Variants in EPPK1 observed in about 807,000 individuals in gnomAD.
EPPK1 encodes epiplakin 1.
For missense variants in EPPK1, 3,823 were observed against 3,673.3 expected (o/e 1.04, Z -1.05); for synonymous variants, 1,862 against 1,721.2 (o/e 1.08, Z -2.03).
chr8:143,873,061 G>A lies in EPPK1; in HGVS notation c.193C>T (p.Leu65Phe), dbSNP rs1162166117. 1.9e-6 allele frequency: 3 copies of A among 1,559,124 alleles called. No homozygotes were observed. The highest frequency in any genetic ancestry group is 1.4e-5 in the African/African-American group (1 of 73,580). The change falls in exon 2 of 2, where the codon CTC (leucine) becomes TTC (phenylalanine). Residue 65 changes from leucine to phenylalanine, a missense_variant. Coordinates refer to ENST00000615648, the MANE Select transcript of EPPK1 (RefSeq NM_031308.4). ...GCCTGCCCGAGCCCAGCAGGCAGGA[G>A]GCCCTGCTCCATGGCGGCGTAGACA... ...QSVYAAMEQG[L>F]LPAGLGQALL...
In EPPK1 at chr8:143,870,471, C is replaced by A. The variant is rs782078455; in HGVS notation, c.2783G>T (p.Gly928Val). The change falls in exon 2 of 2, where the codon GGC becomes GTC. Residue 928 changes from glycine to valine, a missense_variant. Transcript: ENST00000615648. This position sits in a 1 kb window ranked among gnomAD's most constrained non-coding sequence, Gnocchi z 5.2. ...LMDGVRRYLC[G>V]LGAVGGVRLL... Reference sequence around the variant, plus strand: ...CCGCACACCGCCCACAGCTCCCAGGCCGCACAGGTACCTGCGGACGCCGTC... The same window carrying A: ...CCGCACACCGCCCACAGCTCCCAGGACGCACAGGTACCTGCGGACGCCGTC... 9 of 1,603,584 alleles carry A rather than the reference C, an allele frequency of 5.6e-6. No individual in the cohort carries two copies. The highest frequency in any genetic ancestry group is 7.6e-6 in the Non-Finnish European group (9 of 1,177,224).
In EPPK1 at chr8:143,867,093, A is replaced by G. The variant is rs782457896; in HGVS notation, c.6161T>C (p.Phe2054Ser). The G allele has an allele frequency of 3.1e-6, 5 of 1,612,688 alleles. No individual in the cohort carries two copies. Among genetic ancestry groups the G allele is most frequent in the Non-Finnish European group, 4.2e-6 (5 of 1,179,818 alleles). ...ISDQKHMRKR[F>S]VDPNTQEKVS... ...CTTCTCTTGCGTGTTCGGGTCCACA[A>G]ACCGTTTCCTCATGTGCTTCTGGTC... The change falls in exon 2 of 2, where the codon TTT (phenylalanine) becomes TCT (serine). Residue 2054 changes from phenylalanine to serine, a missense_variant. Phe to Ser is a radical substitution (Grantham distance 155). Coordinates refer to ENST00000615648, the MANE Select transcript of EPPK1 (RefSeq NM_031308.4).
chr8:143,857,862 A>G lies in EPPK1; in HGVS notation c.*125T>C. 1 of 721,092 alleles carries G rather than the reference A, an allele frequency of 1.4e-6. No individual in the cohort carries two copies. The highest frequency in any genetic ancestry group is 2.1e-6 in the Non-Finnish European group (1 of 471,566). 44.7% of individuals were successfully genotyped at this position (721,092 alleles called of 1,614,324 possible). A position where few individuals can be genotyped will look rare whatever the true frequency, so the allele number is the denominator to read the frequency against. On this transcript the variant is annotated 3_prime_UTR_variant, in exon 2 of 2. Transcript: ENST00000615648. ...ACAACTTAAAACGTTTTCCACAGATAACGAATGGGTAAAACAACAAAATTA... is the reference window on the plus strand; with the variant it reads ...ACAACTTAAAACGTTTTCCACAGATGACGAATGGGTAAAACAACAAAATTA...
intron 1 of EPPK1, 50 bp downstream of exon 1, chr8:143,878,388 G>C (rs1437577917): frequency 1.5e-4 from 8 of 51,806 alleles, no homozygotes; most frequent in African/African-American, 2.5e-4. Flanking sequence ...CGCACCCGCC[G>C]CACCTGCCCG....
chr8:143,877,735 G>A (rs980511087), intron 1 of EPPK1, among the ~76,000 whole-genome samples: 12 of 152,114 alleles, frequency 7.9e-5, no homozygotes, highest in South Asian at 4.1e-4. Context: ...CTTGTGGGAA[G>A]ACCCCACCCA....
Position 143,872,957 on chromosome 8 carries a change from C to T in EPPK1, c.297G>A (p.Leu99=), listed in dbSNP as rs782600625. ...RGQLLPVSKA[L]QQGLVGLELK... ...GCTCCAGCCCCACCAGACCCTGCTG[C>T]AGGGCCTTGGACACAGGGAGCAGCT... is the stretch of plus-strand genomic sequence containing the variant. Residue 99 remains leucine, a synonymous_variant, in exon 2 of 2, where the codon CTG becomes CTA. Coordinates refer to ENST00000615648, the MANE Select transcript of EPPK1 (RefSeq NM_031308.4). 2.5e-6 allele frequency: 4 copies of T among 1,607,774 alleles called. No individual in the cohort carries two copies. The highest frequency in any genetic ancestry group is 2.7e-5 in the African/African-American group (2 of 74,652).
Position 143,857,976 on chromosome 8 carries a change from A to C in EPPK1, c.*11T>G. The C allele has an allele frequency of 1.3e-6, 2 of 1,556,776 alleles. No individual in the cohort carries two copies. The highest frequency in any genetic ancestry group is 1.7e-6 in the Non-Finnish European group (2 of 1,145,530). On this transcript the variant is annotated 3_prime_UTR_variant, in exon 2 of 2. Transcript: ENST00000615648. ...TCCAGAGTTGCAGAAAACTGCACGGAGGAAGCCCAGTCACTGTAGAGAGAG... is the reference window on the plus strand; with the variant it reads ...TCCAGAGTTGCAGAAAACTGCACGGCGGAAGCCCAGTCACTGTAGAGAGAG...
chr8:143,869,287 C>G lies in EPPK1; in HGVS notation c.3967G>C (p.Ala1323Pro), dbSNP rs1563883520. 2 of 1,604,992 alleles carry G rather than the reference C, an allele frequency of 1.2e-6. No individual in the cohort carries two copies. The highest frequency in any genetic ancestry group is 8.5e-7 in the Non-Finnish European group (1 of 1,175,694). Reference protein sequence around the residue: ...LSEQLGQAERAAAGYPDPYSR... With the variant: ...LSEQLGQAERPAAGYPDPYSR... ...TAGGGATCTGGGTACCCGGCCGCCG[C>G]CCTCTCGGCCTGCCCGAGCTGCTCA... The change falls in exon 2 of 2, where the codon GCG becomes CCG. Residue 1323 changes from alanine (A) to proline (P), a missense_variant. Ala to Pro is a conservative substitution (Grantham distance 27, BLOSUM62 -1). Transcript: ENST00000615648.
chr8:143,867,987 A>C lies in EPPK1; in HGVS notation c.5267T>G (p.Leu1756Arg). 1 of 1,613,472 alleles carries C rather than the reference A, an allele frequency of 6.2e-7. No homozygotes were observed. Among genetic ancestry groups the C allele is most frequent in the Non-Finnish European group, 8.5e-7 (1 of 1,179,936 alleles). The part of the protein sequence containing the change: ...CVEDPETGLY[L>R]LQIIKKGENY... ...TTCTCCTTTCTTTATGATTTGTAGCAGGTACAGGCCCGTCTCGGGGTCCTC... is the reference window on the plus strand; with the variant it reads ...TTCTCCTTTCTTTATGATTTGTAGCCGGTACAGGCCCGTCTCGGGGTCCTC... The change falls in exon 2 of 2, where the codon CTG becomes CGG. Residue 1756 changes from leucine (L) to arginine (R), a missense_variant. Physicochemically the swap from Leu to Arg is moderately radical, Grantham distance 102 (BLOSUM62 -2). Coordinates refer to ENST00000615648, the MANE Select transcript of EPPK1 (RefSeq NM_031308.4).
In EPPK1 at chr8:143,857,913, A is replaced by AC. The variant is rs1554657827; in HGVS notation, c.*73_*74insG. ...AAGAATGACAAAAAAAAAAAAAAAA[A>AC]AAAAAACAACCCAGACACACAAGTA... is the stretch of plus-strand genomic sequence containing the variant. On this transcript the variant is annotated 3_prime_UTR_variant, in exon 2 of 2. Transcript: ENST00000615648. The AC allele has an allele frequency of 6.0e-6, 5 of 836,832 alleles. No homozygotes were observed. Among genetic ancestry groups the AC allele is most frequent in the South Asian group, 5.6e-5 (2 of 35,774 alleles). 51.8% of individuals were successfully genotyped at this position (836,832 alleles called of 1,614,324 possible).
intron 1 of EPPK1, among the ~76,000 whole-genome samples, chr8:143,877,773 C>T (rs1554662491): frequency 1.3e-5 from 2 of 152,086 alleles, no homozygotes; most frequent in Non-Finnish European, 2.9e-5. Flanking sequence ...GATCAGAGAT[C>T]AGTGGCCCCA....
Position 143,868,726 on chromosome 8 carries a change from C to G in EPPK1, c.4528G>C (p.Glu1510Gln). 6.3e-7 allele frequency: 1 copy of G among 1,579,176 alleles called. No individual in the cohort carries two copies. The highest frequency in any genetic ancestry group is 8.6e-7 in the Non-Finnish European group (1 of 1,166,642). Residue 1510 changes from glutamate (E) to glutamine (Q), a missense_variant, in exon 2 of 2, where the codon GAG becomes CAG. By Grantham distance (29) the Glu-to-Gln change is conservative. Coordinates refer to ENST00000615648, the MANE Select transcript of EPPK1 (RefSeq NM_031308.4). ...QVVSAVTTLV[E>Q]AAERQPLQAT... Reference sequence around the variant, plus strand: ...TGCAGGGGCTGCCTCTCTGCAGCCTCGACCAGGGTGGTGACTGCGCTGACC... The same window carrying G: ...TGCAGGGGCTGCCTCTCTGCAGCCTGGACCAGGGTGGTGACTGCGCTGACC...
rs782685248 is a variant in EPPK1 at position 143,870,493 on chromosome 8, C to G, written c.2761G>C (p.Gly921Arg). Residue 921 changes from glycine (G) to arginine (R), a missense_variant, in exon 2 of 2, where the codon GGC becomes CGC. By Grantham distance (125) the Gly-to-Arg change is moderately radical. Coordinates refer to ENST00000615648, the MANE Select transcript of EPPK1 (RefSeq NM_031308.4). The surrounding 1 kb of genome is among the most constrained non-coding windows in gnomAD (Gnocchi z 5.2). The part of the protein sequence containing the change: ...ISPEALLLMD[G>R]VRRYLCGLGA... ...AGGCCGCACAGGTACCTGCGGACGCCGTCCATGAGTAGGAGGGCCTCCGGG... is the reference window on the plus strand; with the variant it reads ...AGGCCGCACAGGTACCTGCGGACGCGGTCCATGAGTAGGAGGGCCTCCGGG... 10 of 1,605,954 alleles carry G rather than the reference C, an allele frequency of 6.2e-6. No homozygotes were observed. The highest frequency in any genetic ancestry group is 8.5e-6 in the Non-Finnish European group (10 of 1,176,662).
rs1819101670 is a variant in EPPK1, at chr8:143,866,275, T to G, written c.6979A>C (p.Lys2327Gln). 2.0e-6 allele frequency: 1 copy of G among 496,870 alleles called. No homozygotes were observed. The highest frequency in any genetic ancestry group is 4.6e-5 in the Admixed American group (1 of 21,976). The allele number at this position is 496,870 out of a possible 1,614,324, so 30.8% of individuals were successfully genotyped here. The change falls in exon 2 of 2, where the codon AAG becomes CAG. Residue 2327 changes from lysine to glutamine, a missense_variant. Coordinates refer to ENST00000615648, the MANE Select transcript of EPPK1 (RefSeq NM_031308.4). ...QQISLFQAMQ[K>Q]DLIVREHGIR... ...CCGTGCTCCCGGACGATGAGGTCCT[T>G]CTGCATGGCCTGGAAGAGGGAGATC... is the stretch of plus-strand genomic sequence containing the variant.
At position 143,867,147 on chromosome 8, in the gene EPPK1, A is replaced by C; in HGVS notation, c.6107T>G (p.Leu2036Arg). 6.2e-7 allele frequency: 1 copy of C among 1,612,814 alleles called. No homozygotes were observed. Among genetic ancestry groups the C allele is most frequent in the Non-Finnish European group, 8.5e-7 (1 of 1,179,724 alleles). The change falls in exon 2 of 2, where the codon CTG (leucine) becomes CGG (arginine). Residue 2036 changes from leucine (L) to arginine (R), a missense_variant. Transcript: ENST00000615648. ...PLETAYRRGC[L>R]HKDIYALISD... ...AATGAGCGCATAGATGTCCTTGTGC[A>C]GACAGCCCCGTCTGTAGGCTGTTTC...
chr8:143,870,097 T>TG lies in EPPK1; in HGVS notation c.3156dup (p.Thr1053HisfsTer18). 6.2e-7 allele frequency: 1 copy of TG among 1,608,702 alleles called. No homozygotes were observed. Among genetic ancestry groups the TG allele is most frequent in the Non-Finnish European group, 8.5e-7 (1 of 1,178,428 alleles). On this transcript the variant is annotated frameshift_variant, in exon 2 of 2. Transcript: ENST00000615648. LOFTEE classifies it low-confidence loss of function (END_TRUNC). This position sits in a 1 kb window ranked among gnomAD's most constrained non-coding sequence, Gnocchi z 5.2. ...GGCATGGGGAGGTGGTGGTGGCTGGTGGGGTCAATGATCCCTCCTGTGGCC... is the reference window on the plus strand; with the variant it reads ...GGCATGGGGAGGTGGTGGTGGCTGGTGGGGGTCAATGATCCCTCCTGTGGCC...
Position 143,869,306 on chromosome 8 carries a change from C to T in EPPK1, c.3948G>A (p.Gln1316=), listed in dbSNP as rs1554660300. 4 of 1,604,988 alleles carry T rather than the reference C, an allele frequency of 2.5e-6. No individual in the cohort carries two copies. The highest frequency in any genetic ancestry group is 3.4e-6 in the Non-Finnish European group (4 of 1,175,388). The part of the protein sequence containing the change: ...VGLVGRELSE[Q]LGQAERAAAG... The stretch of plus-strand genomic sequence containing the variant: ...CCGCCGCCCTCTCGGCCTGCCCGAG[C>T]TGCTCACTCAGCTCCCTGCCCACCA... The change falls in exon 2 of 2, where the codon CAG becomes CAA. Residue 1316 remains glutamine, a synonymous_variant. Transcript: ENST00000615648.
Position 143,871,429 on chromosome 8 carries a change from T to A in EPPK1, c.1825A>T (p.Thr609Ser). The A allele has an allele frequency of 6.2e-7, 1 of 1,605,252 alleles. No individual in the cohort carries two copies. Among genetic ancestry groups the A allele is most frequent in the Non-Finnish European group, 8.5e-7 (1 of 1,177,118 alleles). Reference sequence around the variant, plus strand: ...AGCAGCAGGCCAGCAATGCAGCCCGTACCCTGCAGGTACCTCTGCACCGAG... The same window carrying A: ...AGCAGCAGGCCAGCAATGCAGCCCGAACCCTGCAGGTACCTCTGCACCGAG... ...LASVQRYLQG[T>S]GCIAGLLLPG... Residue 609 changes from threonine to serine, a missense_variant, in exon 2 of 2, where the codon ACG (threonine) becomes TCG (serine). Transcript: ENST00000615648.
Position 143,869,531 on chromosome 8 carries a change from G to T in EPPK1, c.3723C>A (p.Cys1241Ter). 6.4e-7 allele frequency: 1 copy of T among 1,562,636 alleles called. No homozygotes were observed. Among genetic ancestry groups the T allele is most frequent in the Non-Finnish European group, 8.6e-7 (1 of 1,157,060 alleles). ...QVAEQPAVKA[C>*]LWGTGCVAGV... ...CGGCCACGCAGCCTGTGCCCCACAG[G>T]CAGGCCTTCACCGCCGGCTGCTCGG... is the stretch of plus-strand genomic sequence containing the variant. Residue 1241 changes from cysteine to a stop codon, truncating the protein, a stop_gained, in exon 2 of 2, where the codon TGC becomes TGA. Coordinates refer to ENST00000615648, the MANE Select transcript of EPPK1 (RefSeq NM_031308.4). LOFTEE classifies it low-confidence loss of function (END_TRUNC).
Sources: allele counts gnomAD v4.1 joint callset (sites outside exome capture counted in the v4.1 genomes callset), GRCh38; gene constraint gnomAD v4.1.1; non-coding constraint Gnocchi (gnomAD v3.1); transcripts MANE v1.5; gene names NCBI Gene and HGNC (gene_info 2026-07-23, HGNC 2026-07-21).